Variants in LIFR observed in about 807,000 individuals in gnomAD.
LIFR encodes leukemia inhibitory factor receptor.
A neutral mutation model predicts 122.2 loss-of-function variants in LIFR; 84 were observed. That is an observed-to-expected ratio of 0.69 (90% CI 0.58 to 0.82). The LOEUF is 0.82. Ranked by LOEUF, LIFR falls within the 40% of genes least tolerant of loss-of-function variation. The probability of loss-of-function intolerance (pLI) is 0.00; values close to 1 mark genes in which losing one functional copy is unlikely to be tolerated. For missense variants in LIFR, 1,294 were observed against 1,311.6 expected (o/e 0.99, Z 0.21); for synonymous variants, 422 against 434.7 (o/e 0.97, Z 0.36).
chr5:38,507,575 A>AC (rs1243843110), intron 7 of LIFR, among the ~76,000 whole-genome samples: 4 of 151,692 alleles, frequency 2.6e-5, no homozygotes, highest in Non-Finnish European at 4.4e-5. Context: ...AAAAAAAAAA[A>AC]AAAAAAAGTG....
rs994317486 is a variant in LIFR at position 38,475,482 on chromosome 5, A to C, written c.*6113T>G. Reference sequence around the variant, plus strand: ...AACATTTCAAGAAATGAAAAAGGGAACAGTTTGGGATCCGCAGTTTCTCCC... The same window carrying C: ...AACATTTCAAGAAATGAAAAAGGGACCAGTTTGGGATCCGCAGTTTCTCCC... On this transcript the variant is annotated 3_prime_UTR_variant, in exon 20 of 20. Coordinates refer to ENST00000453190, the MANE Select transcript of LIFR (RefSeq NM_001127671.2). The C allele has an allele frequency of 1.0e-5, 2 of 195,896 alleles. No individual in the cohort carries two copies. Among genetic ancestry groups the C allele is most frequent in the Admixed American group, 6.1e-5 (1 of 16,472 alleles). The allele number at this position is 195,896 out of a possible 1,614,324, so 12.1% of individuals were successfully genotyped here. A position where few individuals can be genotyped will look rare whatever the true frequency, so the allele number is the denominator to read the frequency against.
intron 1 of LIFR, among the ~76,000 whole-genome samples, chr5:38,542,606 T>C (rs1407238376): frequency 6.6e-6 from 1 of 152,136 alleles, no homozygotes; most frequent in Non-Finnish European, 1.5e-5. Context: ...GGTCCCAAGT[T>C]GAACAGGGCA....
intron 1 of LIFR, among the ~76,000 whole-genome samples, chr5:38,552,040 A>T (rs568076384): frequency 6.6e-6 from 1 of 152,334 alleles, no homozygotes; most frequent in African/African-American, 2.4e-5. Flanking sequence ...CTTTTACTAT[A>T]TCAGGACAAA....
intron 1 of LIFR, among the ~76,000 whole-genome samples, chr5:38,573,250 G>T (rs1251760711): frequency 2.0e-5 from 3 of 152,172 alleles, no homozygotes; most frequent in Non-Finnish European, 4.4e-5. Flanking sequence ...TTTTGAGCTG[G>T]AATCAGACTG....
At chr5:38,561,712 G>A (rs1373060963) in intron 1 of LIFR, among the ~76,000 whole-genome samples, 1 of 152,110 alleles carries the variant, frequency 6.6e-6, no homozygotes, top group African/African-American at 2.4e-5. Flanking sequence ...CAAAGCTTTG[G>A]GAGTAGGAGT....
intron 16 of LIFR, among the ~76,000 whole-genome samples, chr5:38,486,215 T>C (rs1205903169): frequency 1.3e-5 from 2 of 152,176 alleles, no homozygotes; most frequent in African/African-American, 4.8e-5. Flanking sequence ...ACTGATGAAA[T>C]AGAATATCAT....
At chr5:38,549,851 T>C (rs1748107711) in intron 1 of LIFR, among the ~76,000 whole-genome samples, 1 of 152,134 alleles carries the variant, frequency 6.6e-6, no homozygotes, top group South Asian at 2.1e-4. Context: ...TTTTTTTAAA[T>C]GTATTTTTTT....
chr5:38,492,337 T>TA (rs1425891366), intron 14 of LIFR, among the ~76,000 whole-genome samples: 1 of 152,188 alleles, frequency 6.6e-6, no homozygotes, highest in Admixed American at 6.5e-5. Context: ...AGCTAAAACT[T>TA]AAATGGGTAG....
intron 1 of LIFR, among the ~76,000 whole-genome samples, chr5:38,578,184 T>C (rs540937579): frequency 1.4e-5 from 2 of 145,982 alleles, no homozygotes; most frequent in South Asian, 2.2e-4. Context: ...TTTTCCTTTT[T>C]CTTTTCTTTT....
intron 1 of LIFR, among the ~76,000 whole-genome samples, chr5:38,592,267 A>G (rs1009551773): frequency 2.0e-5 from 3 of 152,192 alleles, no homozygotes; most frequent in Admixed American, 2.0e-4. Flanking sequence ...AAAATTTTAA[A>G]GAAATTGGAA....
chr5:38,572,973 C>T (rs1749264593), intron 1 of LIFR, among the ~76,000 whole-genome samples: 3 of 152,252 alleles, frequency 2.0e-5, no homozygotes, highest in African/African-American at 7.2e-5. Flanking sequence ...TGCAACTTTC[C>T]CCATCTTTGT....
intron 6 of LIFR, among the ~76,000 whole-genome samples, chr5:38,511,562 C>T (rs1300919074): frequency 6.6e-6 from 1 of 151,898 alleles, no homozygotes; most frequent in Admixed American, 6.6e-5. Flanking sequence ...GATTTTCAAA[C>T]CTGGATGTTT....
At position 38,483,667 on chromosome 5, in the gene LIFR, G is replaced by T. The variant is rs577048248; in HGVS notation, c.2592-1000C>A. ...GATGGTCTCGATCTCCTGACCTTGTGATCTGCCTGCCTTGGCCTCCCAGAG... is the reference window on the plus strand; with the variant it reads ...GATGGTCTCGATCTCCTGACCTTGTTATCTGCCTGCCTTGGCCTCCCAGAG... On this transcript the variant is annotated intron_variant, in intron 18 of 19. Transcript: ENST00000453190. Among the ~76,000 whole-genome samples, 104 of 152,316 alleles carry T rather than the reference G, an allele frequency of 6.8e-4. 1 individual carries two copies. The highest frequency in any genetic ancestry group is 2.4e-3 in the African/African-American group (99 of 41,568).
At chr5:38,576,146 T>C (rs1749376830) in intron 1 of LIFR, among the ~76,000 whole-genome samples, 1 of 152,064 alleles carries the variant, frequency 6.6e-6, no homozygotes, top group Non-Finnish European at 1.5e-5. Context: ...ATCTCTATGG[T>C]AGGGATAAAA....
At chr5:38,485,135 G>C (rs550076451) in intron 17 of LIFR, among the ~76,000 whole-genome samples, 3 of 152,154 alleles carry the variant, frequency 2.0e-5, no homozygotes, top group Admixed American at 6.5e-5. Flanking sequence ...AGGATCAGGG[G>C]AGACAGTCCT....
At position 38,605,639 on chromosome 5, in the gene LIFR, C is replaced by A. The variant is rs558585631; in HGVS notation, n.305+566G>T. Among the ~76,000 whole-genome samples, 20 of 152,272 alleles carry A rather than the reference C, an allele frequency of 1.3e-4. 1 individual carries two copies. Among genetic ancestry groups the A allele is most frequent in the African/African-American group, 4.3e-4 (18 of 41,548 alleles). On this transcript the variant is annotated intron_variant and non_coding_transcript_variant, in intron 2 of 3. Coordinates refer to the LIFR transcript ENST00000507786. ...TCGTTCTATTCCTAAAAAAAGATAC[C>A]TGCTAAGATAAAAAAAGCTACATAC...
intron 2 of LIFR, among the ~76,000 whole-genome samples, chr5:38,602,144 C>A (rs768126898): frequency 6.6e-6 from 1 of 152,150 alleles, no homozygotes; most frequent in Non-Finnish European, 1.5e-5. Flanking sequence ...GTTTCACAAC[C>A]TCCCAATCAG....
Position 38,475,064 on chromosome 5 carries a change from G to A in LIFR, c.*6531C>T, listed in dbSNP as rs745807147. The A allele has an allele frequency of 1.1e-5, 2 of 177,136 alleles. No homozygotes were observed. Among genetic ancestry groups the A allele is most frequent in the Admixed American group, 6.3e-5 (1 of 15,848 alleles). 11.0% of individuals were successfully genotyped at this position (177,136 alleles called of 1,614,324 possible). A position where few individuals can be genotyped will look rare whatever the true frequency, so the allele number is the denominator to read the frequency against. ...AACAGACATAAGTAACATCTTTAGA[G>A]TTAACAGCCAAGCATACTAGTTTTA... On this transcript the variant is annotated 3_prime_UTR_variant, in exon 20 of 20. Coordinates refer to ENST00000453190, the MANE Select transcript of LIFR (RefSeq NM_001127671.2).
At chr5:38,606,819 G>C (rs1750339687) in intron 1 of LIFR, among the ~76,000 whole-genome samples, 1 of 152,136 alleles carries the variant, frequency 6.6e-6, no homozygotes, top group Non-Finnish European at 1.5e-5. Context: ...GGGAAAGTTT[G>C]GTTTAGAGGC....
Sources: allele counts gnomAD v4.1 joint callset (sites outside exome capture counted in the v4.1 genomes callset), GRCh38; gene constraint gnomAD v4.1.1; transcripts MANE v1.5; gene names NCBI Gene and HGNC (gene_info 2026-07-23, HGNC 2026-07-21).